The following POMT1 variants were observed in gnomAD, a reference collection of about 807,000 sequenced individuals.
POMT1 encodes the protein protein O-mannosyl-transferase 1.
POMT1 carries 85 observed loss-of-function variants against 101.6 expected under a neutral mutation model. The ratio of observed to expected loss-of-function variants is 0.84; its 90% CI spans 0.70 to 1.00. The LOEUF is 1.00. Ranked by LOEUF, POMT1 falls within the 50% of genes least tolerant of loss-of-function variation. The pLI is 0.00. For missense variants in POMT1, 857 were observed against 930.4 expected, an observed-to-expected ratio of 0.92 and a Z score of 1.03; for synonymous variants, 371 against 383.0, an observed-to-expected ratio of 0.97 and a Z score of 0.37.
rs1365128684 is a variant in POMT1 at position 131,504,286 on chromosome 9, C to G, written c.68C>G (p.Thr23Ser). Residue 23 changes from threonine (T) to serine (S), a missense_variant, in exon 2 of 20, where the codon ACT becomes AGT. Physicochemically the swap from Thr to Ser is moderately conservative, Grantham distance 58. Coordinates refer to ENST00000402686, the MANE Select transcript of POMT1 (RefSeq NM_001077365.2). The part of the protein sequence containing the change: ...ADINLSLVAL[T>S]GMGLLSRLWR... ...ATCAACTTGAGCCTTGTGGCCCTGA[C>G]TGGGATGGGGTTACTGAGCCGGCTG... The G allele has an allele frequency of 6.2e-7, 1 of 1,614,194 alleles. No homozygotes were observed. Among genetic ancestry groups the G allele is most frequent in the South Asian group, 1.1e-5 (1 of 91,084 alleles).
intron 13 of POMT1, among the ~76,000 whole-genome samples, chr9:131,515,830 ACACTTCCTCACACGGAG>A (rs1182481129): frequency 1.6e-5 from 2 of 122,104 alleles, no homozygotes; most frequent in Admixed American, 1.6e-4. Flanking sequence ...CTAACACAGG[ACACTTCCTCACACGGAG>A]CACTTCCTCA....
At chr9:131,521,809 A>T (rs1949978434) in intron 18 of POMT1, among the ~76,000 whole-genome samples, 1 of 152,186 alleles carries the variant, frequency 6.6e-6, no homozygotes, top group Non-Finnish European at 1.5e-5. Context: ...TCTTGGTCCC[A>T]TGTTGCCCGT....
intron 4 of POMT1, 101 bp from the exon 5 acceptor site, chr9:131,507,267 G>C: frequency 6.4e-7 from 1 of 1,570,758 alleles, no homozygotes; most frequent in Non-Finnish European, 8.7e-7. Flanking sequence ...GTGCATTTTA[G>C]AGTCTGTGAA....
In POMT1 at chr9:131,518,914, C is replaced by T. The variant is rs139415150; in HGVS notation, c.1443C>T (p.His481=). ...IVGEKLSRGY[H]GSTVWNVEEH... ...GGGAGAAGCTGTCCCGGGGCTACCA[C>T]GGGAGCACGGTGTGGAACGTGGAGG... is the stretch of plus-strand genomic sequence containing the variant. Residue 481 remains histidine (H), a synonymous_variant, in exon 15 of 20, where the codon CAC becomes CAT. Coordinates refer to ENST00000402686, the MANE Select transcript of POMT1 (RefSeq NM_001077365.2). The T allele has an allele frequency of 6.4e-5, 104 of 1,613,662 alleles. 1 individual carries two copies. The Middle Eastern group carries it at 8.2e-4, about 13-fold the overall frequency.
At chr9:131,510,522 G>A in intron 9 of POMT1, 107 bp downstream of exon 9, 1 of 1,391,508 alleles carries the variant, frequency 7.2e-7, no homozygotes, top group South Asian at 1.2e-5. Flanking sequence ...ATCAAAACAT[G>A]AAGAATCCAC....
At chr9:131,515,629 C>G in intron 13 of POMT1, 107 bp downstream of exon 13, 2 of 1,004,038 alleles carry the variant, frequency 2.0e-6, no homozygotes, top group South Asian at 1.3e-5. Flanking sequence ...CACTTCCTAA[C>G]AGAACACTTC....
At position 131,522,374 on chromosome 9, in the gene POMT1, A is replaced by C. The variant is rs891273589; in HGVS notation, c.2003+150A>C. 1 of 1,451,154 alleles carries C rather than the reference A, an allele frequency of 6.9e-7. No individual in the cohort carries two copies. Among genetic ancestry groups the C allele is most frequent in the Admixed American group, 2.1e-5 (1 of 46,810 alleles). 89.9% of individuals were successfully genotyped at this position (1,451,154 alleles called of 1,614,324 possible). A position where few individuals can be genotyped will look rare whatever the true frequency, so the allele number is the denominator to read the frequency against. The stretch of plus-strand genomic sequence containing the variant: ...TCCCTCCGGGGAATGGGTGAGGTTC[A>C]GAAGAGATGCCCAGATGAGGCACTG... On this transcript the variant is annotated intron_variant, in intron 19 of 19. Coordinates refer to ENST00000402686, the MANE Select transcript of POMT1 (RefSeq NM_001077365.2). The surrounding 1 kb of genome is among the most constrained non-coding windows in gnomAD (Gnocchi z 5.5).
At chr9:131,510,787 T>C in intron 9 of POMT1, 1 of 350,712 alleles carries the variant, frequency 2.9e-6, no homozygotes, top group South Asian at 2.4e-5. Flanking sequence ...ATTATAGGCG[T>C]GAGCCACCGC....
intron 9 of POMT1, 155 bp downstream of exon 9, chr9:131,510,570 T>C: frequency 9.5e-7 from 1 of 1,057,020 alleles, no homozygotes; most frequent in Admixed American, 2.0e-5. Context: ...GATGGAGTCT[T>C]ACTCTGTCAC....
intron 2 of POMT1, among the ~76,000 whole-genome samples, chr9:131,504,755 A>ATATGTGTG (rs1273150981): frequency 6.7e-6 from 1 of 148,802 alleles, no homozygotes; most frequent in African/African-American, 2.5e-5. Flanking sequence ...TAATGTGTGT[A>ATATGTGTG]TGTGTGTGTG....
At chr9:131,516,448 A>T in intron 13 of POMT1, 1 of 158,938 alleles carries the variant, frequency 6.3e-6, no homozygotes, top group Non-Finnish European at 1.4e-5. Context: ...GCTCACACGG[A>T]GCACTTCCTG....
Position 131,519,369 on chromosome 9 carries a change from G to A in POMT1, c.1487-20G>A. ...ACCTTGTGCTACTTCTATCTGTTAT[G>A]CCCTTGTCTGTTCTGCCAGGCCAGG... On this transcript the variant is annotated intron_variant, in intron 15 of 19. Transcript: ENST00000402686. The surrounding 1 kb of genome is among the most constrained non-coding windows in gnomAD (Gnocchi z 4.3). 1 of 1,549,990 alleles carries A rather than the reference G, an allele frequency of 6.5e-7. No homozygotes were observed.
chr9:131,507,476 A>C lies in POMT1; in HGVS notation c.389A>C (p.His130Pro), dbSNP rs752880907. The C allele has an allele frequency of 2.5e-5, 40 of 1,613,794 alleles. No individual in the cohort carries two copies. Among genetic ancestry groups the C allele is most frequent in the Middle Eastern group, 1.6e-4 (1 of 6,084 alleles). Reference protein sequence around the residue: ...YQIVLELHFSHCAAMGAALLM... With the variant: ...YQIVLELHFSPCAAMGAALLM... The stretch of plus-strand genomic sequence containing the variant: ...ATAGTGTTGGAGCTCCACTTTTCTC[A>C]TTGTGCCGCCATGGGAGCTGCTCTG... Residue 130 changes from histidine (H) to proline (P), a missense_variant, in exon 5 of 20, where the codon CAT (histidine) becomes CCT (proline). Transcript: ENST00000402686.
At chr9:131,515,597 C>T (rs924871871) in intron 13 of POMT1, 75 bp downstream of exon 13, 572 of 1,368,952 alleles carry the variant, frequency 4.2e-4, no homozygotes, top group Non-Finnish European at 5.3e-4. Context: ...CTTCCTCACC[C>T]GGAGCACTCC....
chr9:131,508,443 A>G (rs1447828203), intron 5 of POMT1, among the ~76,000 whole-genome samples: 4 of 152,146 alleles, frequency 2.6e-5, no homozygotes, highest in Non-Finnish European at 5.9e-5. Context: ...AGGCAGGAGA[A>G]TCGCTTGAAC....
At chr9:131,512,010 C>T in intron 10 of POMT1, 31 bp from the exon 11 acceptor site, 1 of 1,613,196 alleles carries the variant, frequency 6.2e-7, no homozygotes, top group Middle Eastern at 1.6e-4. Flanking sequence ...CGCGCCTGGC[C>T]CAGATACATC....
Position 131,504,061 on chromosome 9 carries a change from T to G in POMT1, c.-30-128T>G. 2.7e-6 allele frequency: 3 copies of G among 1,109,552 alleles called. 1 individual carries two copies. In the South Asian group the frequency reaches 3.9e-5, roughly 14 times the overall value. 68.7% of individuals were successfully genotyped at this position (1,109,552 alleles called of 1,614,324 possible). On this transcript the variant is annotated intron_variant, in intron 1 of 19. Transcript: ENST00000402686. ...CTACCTGAACCAAGGCTCCAGGAAC[T>G]TCGGTCTTTCTCAGCAGCCCGGCTG...
Position 131,523,322 on chromosome 9 carries a change from T to C in POMT1, c.*216T>C, listed in dbSNP as rs1950331109. 1.6e-6 allele frequency: 1 copy of C among 619,316 alleles called. No individual in the cohort carries two copies. The highest frequency in any genetic ancestry group is 1.9e-5 in the South Asian group (1 of 53,104). The allele number at this position is 619,316 out of a possible 1,614,324, so 38.4% of individuals were successfully genotyped here. A position where few individuals can be genotyped will look rare whatever the true frequency, so the allele number is the denominator to read the frequency against. ...AATTTTTTCTCGACAATAAAGATAT[T>C]CCGTGTCTTTACCCCTGAACTAAGA... On this transcript the variant is annotated 3_prime_UTR_variant, in exon 20 of 20. Transcript: ENST00000402686.
intron 17 of POMT1, chr9:131,521,040 G>A (rs956361821): frequency 1.7e-5 from 7 of 401,608 alleles, no homozygotes; most frequent in African/African-American, 1.0e-4. Context: ...ACGGGGTTTC[G>A]CCACGTTGGG....
Sources: allele counts gnomAD v4.1 joint callset (sites outside exome capture counted in the v4.1 genomes callset), GRCh38; gene constraint gnomAD v4.1.1; non-coding constraint Gnocchi (gnomAD v3.1); transcripts MANE v1.5; gene names NCBI Gene and HGNC (gene_info 2026-07-23, HGNC 2026-07-21).